The following NKAIN3 variants were observed in gnomAD, a reference collection of about 807,000 sequenced individuals.
The protein encoded by NKAIN3 is sodium/potassium transporting ATPase interacting 3, also known as sodium/potassium-transporting ATPase subunit beta-1-interacting protein 3.
NKAIN3 carries 25 observed loss-of-function variants against 30.2 expected under a neutral mutation model. The ratio of observed to expected loss-of-function variants is 0.83; its 90% CI spans 0.60 to 1.16. The LOEUF (loss-of-function observed/expected upper bound fraction) is 1.16, where lower values mean the gene tolerates loss of function less well. Ranked by LOEUF, NKAIN3 falls within the 50% of genes most tolerant of loss-of-function variation. The pLI is 0.00. For synonymous variants in NKAIN3, 91 were observed against 89.6 expected, an observed-to-expected ratio of 1.02 and a Z score of -0.09; for missense variants, 225 against 254.1, an observed-to-expected ratio of 0.89 and a Z score of 0.78.
intron 1 of NKAIN3, among the ~76,000 whole-genome samples, chr8:62,500,485 G>GAGGGA (rs1807407800): frequency 7.6e-6 from 1 of 130,858 alleles, no homozygotes; most frequent in East Asian, 2.5e-4. Context: ...AAGAAAGAAA[G>GAGGGA]AAGAAAAGAA....
chr8:62,427,316 A>G (rs1163185198), intron 1 of NKAIN3, among the ~76,000 whole-genome samples: 4 of 151,996 alleles, frequency 2.6e-5, no homozygotes, highest in Non-Finnish European at 5.9e-5. Context: ...AGGCCTTGCT[A>G]TTCACCAGTG....
intron 1 of NKAIN3, among the ~76,000 whole-genome samples, chr8:62,468,928 C>T (rs1454483409): frequency 6.6e-6 from 1 of 152,168 alleles, no homozygotes; most frequent in Non-Finnish European, 1.5e-5. Flanking sequence ...ACCTAGTAGA[C>T]ATCTACTAGG....
intron 3 of NKAIN3, among the ~76,000 whole-genome samples, chr8:62,641,775 C>T (rs564014032): frequency 7.9e-5 from 12 of 152,124 alleles, no homozygotes; most frequent in East Asian, 5.8e-4. Context: ...TGTGTGAGAA[C>T]GAATAAATGA....
At chr8:62,302,435 C>T (rs1814081408) in intron 1 of NKAIN3, among the ~76,000 whole-genome samples, 2 of 152,078 alleles carry the variant, frequency 1.3e-5, no homozygotes, top group South Asian at 4.1e-4. Context: ...GTTTGTTACA[C>T]AGAGGCTCTT....
At position 62,249,123 on chromosome 8, in the gene NKAIN3, A is replaced by T; in HGVS notation, c.50A>T (p.Gln17Leu). 1 of 1,536,924 alleles carries T rather than the reference A, an allele frequency of 6.5e-7. No individual in the cohort carries two copies. ...RCSLICLCAL[Q>L]LVSALERQIF... The stretch of plus-strand genomic sequence containing the variant: ...TCGCTCATCTGCCTCTGCGCGCTGC[A>T]GTTGGTGAGTGCCCCGAGGGCCCCT... The change falls in exon 1 of 7, where the codon CAG (glutamine) becomes CTG (leucine). Residue 17 changes from glutamine to leucine, a missense_variant. Physicochemically the swap from Gln to Leu is moderately radical, Grantham distance 113 (BLOSUM62 -2). Coordinates refer to ENST00000623646, the MANE Select transcript of NKAIN3 (RefSeq NM_001304533.3).
At chr8:62,525,872 G>A (rs914286468) in intron 1 of NKAIN3, among the ~76,000 whole-genome samples, 20 of 152,072 alleles carry the variant, frequency 1.3e-4, no homozygotes, top group Non-Finnish European at 1.2e-4. Flanking sequence ...TTGGAGTTAA[G>A]TATTCAAGGG....
intron 1 of NKAIN3, among the ~76,000 whole-genome samples, chr8:62,418,011 G>A (rs557482568): frequency 1.3e-5 from 2 of 152,182 alleles, no homozygotes; most frequent in African/African-American, 4.8e-5. Context: ...TGATATTTTG[G>A]TATCTCCTTA....
At chr8:62,312,372 G>T (rs1373912814) in intron 1 of NKAIN3, among the ~76,000 whole-genome samples, 1 of 150,588 alleles carries the variant, frequency 6.6e-6, no homozygotes, top group Non-Finnish European at 1.5e-5. Context: ...AAAAAATATT[G>T]ATGAGCACTG....
At chr8:62,444,196 G>T (rs1805414897) in intron 1 of NKAIN3, among the ~76,000 whole-genome samples, 1 of 152,002 alleles carries the variant, frequency 6.6e-6, no homozygotes, top group South Asian at 2.1e-4. Flanking sequence ...ACAAATCAGG[G>T]TAATTGAGAT....
chr8:62,318,440 A>T (rs1814739284), intron 1 of NKAIN3, among the ~76,000 whole-genome samples: 1 of 152,220 alleles, frequency 6.6e-6, no homozygotes, highest in Non-Finnish European at 1.5e-5. Context: ...GGTTTGTCAT[A>T]GATACCTCTT....
chr8:62,898,915 CA>C (rs1422146654), intron 4 of NKAIN3, among the ~76,000 whole-genome samples: 1 of 151,706 alleles, frequency 6.6e-6, no homozygotes, highest in African/African-American at 2.4e-5. Flanking sequence ...AGAAAATGGG[CA>C]AAAGATCTGA....
intron 3 of NKAIN3, among the ~76,000 whole-genome samples, chr8:62,642,888 G>T (rs551404872): frequency 6.6e-6 from 1 of 152,064 alleles, no homozygotes; most frequent in South Asian, 2.1e-4. Context: ...ACAAAAAGAG[G>T]CATGCATTTT....
intron 4 of NKAIN3, among the ~76,000 whole-genome samples, chr8:62,790,035 T>A (rs202164510): frequency 6.6e-6 from 1 of 152,124 alleles, no homozygotes; most frequent in Non-Finnish European, 1.5e-5. Context: ...ACCAATATCC[T>A]TGATGAACAT....
intron 1 of NKAIN3, among the ~76,000 whole-genome samples, chr8:62,380,313 C>T (rs144444088): frequency 6.6e-6 from 1 of 152,174 alleles, no homozygotes; most frequent in Non-Finnish European, 1.5e-5. Context: ...CCACTTGGAC[C>T]TCTAGAATCT....
At chr8:62,778,962 G>A (rs573623030) in intron 4 of NKAIN3, among the ~76,000 whole-genome samples, 1 of 152,102 alleles carries the variant, frequency 6.6e-6, no homozygotes, top group East Asian at 1.9e-4. Context: ...TCCCTTCAAG[G>A]CCACAGGTTT....
chr8:62,956,801 T>C (rs990196596), intron 6 of NKAIN3, among the ~76,000 whole-genome samples: 20 of 152,120 alleles, frequency 1.3e-4, no homozygotes, highest in African/African-American at 4.6e-4. Context: ...ATTTGACCCT[T>C]AGCAGCCAAT....
intron 1 of NKAIN3, among the ~76,000 whole-genome samples, chr8:62,404,979 C>G (rs1280272389): frequency 6.6e-6 from 1 of 152,072 alleles, no homozygotes; most frequent in East Asian, 1.9e-4. Flanking sequence ...GGTGATGAAT[C>G]CTGCTGCAAC....
chr8:62,441,140 G>C (rs1232028545), intron 1 of NKAIN3, among the ~76,000 whole-genome samples: 1 of 151,994 alleles, frequency 6.6e-6, no homozygotes, highest in Non-Finnish European at 1.5e-5. Context: ...AGGAATATTA[G>C]GTCTTATTGA....
At chr8:62,731,782 ACTAC>A (rs1332789320) in intron 3 of NKAIN3, among the ~76,000 whole-genome samples, 17 of 152,286 alleles carry the variant, frequency 1.1e-4, no homozygotes, top group African/African-American at 3.6e-4. Context: ...TCAAGGACAG[ACTAC>A]CTGAGATCAG....
Sources: allele counts gnomAD v4.1 joint callset (sites outside exome capture counted in the v4.1 genomes callset), GRCh38; gene constraint gnomAD v4.1.1; transcripts MANE v1.5; gene names NCBI Gene and HGNC (gene_info 2026-07-23, HGNC 2026-07-21).